RGS7: variants seen among roughly 807,000 people sequenced by gnomAD.
RGS7 encodes the protein regulator of G-protein signaling 7.
In RGS7, 27 loss-of-function variants were observed where a neutral mutation model predicts 81.1. That is an observed-to-expected ratio of 0.33 (90% CI 0.25 to 0.46). RGS7 has a LOEUF of 0.46. Among genes scored for constraint, RGS7 ranks in the 20% least tolerant of loss-of-function variants. The pLI is 1.00. For missense variants in RGS7, 396 were observed against 607.4 expected (o/e 0.65, Z 3.66); for synonymous variants, 208 against 207.7 (o/e 1.00, Z -0.01).
chr1:241,197,964 TCTAC>T (rs111385917), intron 2 of RGS7, among the ~76,000 whole-genome samples: 9 of 150,840 alleles, frequency 6.0e-5, no homozygotes, highest in Non-Finnish European at 7.4e-5. Context: ...TATCTATCTG[TCTAC>T]CTACCTACCT....
intron 18 of RGS7, among the ~76,000 whole-genome samples, chr1:240,786,550 A>G (rs1685099459): frequency 6.6e-6 from 1 of 152,210 alleles, no homozygotes; most frequent in African/African-American, 2.4e-5. Flanking sequence ...TTTCAGTTCT[A>G]TGTACATATA....
At chr1:241,202,789 T>C (rs2073618777) in intron 2 of RGS7, among the ~76,000 whole-genome samples, 1 of 138,044 alleles carries the variant, frequency 7.2e-6, no homozygotes, top group African/African-American at 3.3e-5. Flanking sequence ...AGAGTAGTAT[T>C]TTTAGGTTTT....
At chr1:241,256,075 T>C (rs776338599) in intron 2 of RGS7, among the ~76,000 whole-genome samples, 1 of 152,162 alleles carries the variant, frequency 6.6e-6, no homozygotes, top group Non-Finnish European at 1.5e-5. Flanking sequence ...TCTTTTAAGA[T>C]ACCAGTTAAC....
intron 3 of RGS7, among the ~76,000 whole-genome samples, chr1:241,044,421 C>T (rs964919052): frequency 2.0e-5 from 3 of 151,664 alleles, no homozygotes; most frequent in South Asian, 2.1e-4. Context: ...TGAATTCATT[C>T]GTTTGTTTGT....
chr1:241,055,424 T>A (rs922608004), intron 3 of RGS7, among the ~76,000 whole-genome samples: 6 of 152,130 alleles, frequency 3.9e-5, no homozygotes, highest in Non-Finnish European at 8.8e-5. Context: ...CTTATGGTCA[T>A]TCATTATTAT....
intron 4 of RGS7, among the ~76,000 whole-genome samples, chr1:240,946,238 T>G (rs546294061): frequency 1.6e-4 from 24 of 152,122 alleles, no homozygotes; most frequent in Non-Finnish European, 3.1e-4. Context: ...CCCTCTTTTC[T>G]TCACCATTCT....
chr1:241,225,116 A>G (rs1432778293), intron 2 of RGS7, among the ~76,000 whole-genome samples: 1 of 152,122 alleles, frequency 6.6e-6, no homozygotes, highest in African/African-American at 2.4e-5. Context: ...TGGACATTGT[A>G]TCCGTTAAGT....
intron 6 of RGS7, among the ~76,000 whole-genome samples, chr1:240,905,539 T>C (rs966738748): frequency 2.6e-5 from 4 of 152,188 alleles, no homozygotes; most frequent in African/African-American, 9.6e-5. Flanking sequence ...GTGAAGTCAT[T>C]GACACAAGGT....
At chr1:241,220,975 AAGGAAGGAAGGAAGG>A (rs777295896) in intron 2 of RGS7, among the ~76,000 whole-genome samples, 13,852 of 102,212 alleles carry the variant, frequency 0.14, 1,489 homozygotes, top group East Asian at 0.42. Flanking sequence ...GGAAGGAAGG[AAGGAAGGAAGGAAGG>A]AAGGAAGAGA....
In RGS7 at chr1:241,033,714, G is replaced by T. The variant is rs146083747; in HGVS notation, c.176-50585C>A. Among the ~76,000 whole-genome samples the T allele has an allele frequency of 3.7e-3, 566 of 151,908 alleles. 2 individuals are homozygous for T. The highest frequency in any genetic ancestry group is 0.013 in the African/African-American group (522 of 41,422). ...AAAGTTAGGTTAACAACTCTATGAC[G>T]GTTTCCTAATATATTGTTTAAATTT... On this transcript the variant is annotated intron_variant, in intron 3 of 18. Transcript: ENST00000440928.
intron 2 of RGS7, among the ~76,000 whole-genome samples, chr1:241,265,032 T>C (rs1040896241): frequency 2.6e-5 from 4 of 152,170 alleles, no homozygotes; most frequent in Admixed American, 2.0e-4. Context: ...GGCCTTCAGT[T>C]CCCTTCCAGC....
chr1:241,144,960 T>TGTGTTC lies in RGS7; in HGVS notation c.79-46204_79-46199dup, dbSNP rs1410710343. 1.3e-5 allele frequency among the ~76,000 whole-genome samples: 2 copies of TGTGTTC among 151,298 alleles called. No individual in the cohort carries two copies. The highest frequency in any genetic ancestry group is 6.6e-5 in the Admixed American group (1 of 15,200). Reference sequence around the variant, plus strand: ...GTGTGTGTGTGTGTGTGTGTGTGTGTGTGTTCGTGTTCATTCTTCCTGTTC... The same window carrying TGTGTTC: ...GTGTGTGTGTGTGTGTGTGTGTGTGTGTGTTCGTGTTCGTGTTCATTCTTCCTGTTC... On this transcript the variant is annotated intron_variant, in intron 2 of 18. Coordinates refer to ENST00000440928, the MANE Select transcript of RGS7 (RefSeq NM_001364886.1). The surrounding 1 kb of genome is among the most constrained non-coding windows in gnomAD (Gnocchi z 4.7).
chr1:241,076,977 G>A (rs2062840428), intron 3 of RGS7, among the ~76,000 whole-genome samples: 1 of 152,166 alleles, frequency 6.6e-6, no homozygotes, highest in African/African-American at 2.4e-5. Flanking sequence ...CAGATGACAA[G>A]CTAGAGACAA....
chr1:240,823,005 G>A, intron 10 of RGS7: 1 of 516,522 alleles, frequency 1.9e-6, no homozygotes, highest in Admixed American at 3.1e-5. Flanking sequence ...TTAGAAACCT[G>A]GAAGAAATTG....
At chr1:241,251,002 T>C (rs377011075) in intron 2 of RGS7, among the ~76,000 whole-genome samples, 2 of 152,230 alleles carry the variant, frequency 1.3e-5, no homozygotes, top group East Asian at 3.8e-4. Flanking sequence ...CCTTAATTGA[T>C]GGAAACTGAT....
At chr1:241,030,067 A>T (rs1270439477) in intron 3 of RGS7, among the ~76,000 whole-genome samples, 1 of 152,104 alleles carries the variant, frequency 6.6e-6, no homozygotes, top group East Asian at 1.9e-4. Flanking sequence ...TTAAACTATT[A>T]CACTGAGAGT....
chr1:241,271,994 T>A lies in RGS7; in HGVS notation c.78+83705A>T, dbSNP rs1458363113. Among the ~76,000 whole-genome samples the A allele has an allele frequency of 2.1e-5, 3 of 140,636 alleles. No individual in the cohort carries two copies. The highest frequency in any genetic ancestry group is 2.7e-5 in the African/African-American group (1 of 37,518). 92.3% of individuals were successfully genotyped at this position (140,636 alleles called of 152,430 possible). A position where few individuals can be genotyped will look rare whatever the true frequency, so the allele number is the denominator to read the frequency against. On this transcript the variant is annotated intron_variant, in intron 2 of 18. Transcript: ENST00000440928. This position sits in a 1 kb window ranked among gnomAD's most constrained non-coding sequence, Gnocchi z 4.6. ...GACTACTAGAATTTCTTTTTTTTTT[T>A]TTTTATTTTTATTTTTTGAGATGGA...
At chr1:241,282,867 C>G (rs1175463656) in intron 2 of RGS7, among the ~76,000 whole-genome samples, 1 of 152,154 alleles carries the variant, frequency 6.6e-6, no homozygotes, top group Non-Finnish European at 1.5e-5. Context: ...TCCTTTGTTT[C>G]CTTTAACTAA....
chr1:241,002,027 C>G (rs998041504), intron 3 of RGS7, among the ~76,000 whole-genome samples: 1 of 152,110 alleles, frequency 6.6e-6, no homozygotes, highest in Non-Finnish European at 1.5e-5. Context: ...AACAAATGTA[C>G]TACTCTGGTT....
Sources: gnomAD v4.1 joint callset for allele counts (sites outside exome capture counted in the v4.1 genomes callset) on GRCh38, gnomAD v4.1.1 for gene constraint, Gnocchi (gnomAD v3.1) non-coding constraint, MANE v1.5 for transcripts, NCBI Gene and HGNC (gene_info 2026-07-23, HGNC 2026-07-21) for gene names.